GABRG3: variants seen among roughly 807,000 people sequenced by gnomAD.
The protein encoded by GABRG3 is gamma-aminobutyric acid receptor subunit gamma-3.
GABRG3 carries 25 observed loss-of-function variants against 48.8 expected under a neutral mutation model. The observed-to-expected ratio is 0.51, with a 90% CI of 0.37 to 0.72. The LOEUF (loss-of-function observed/expected upper bound fraction) is 0.72, where lower values mean the gene tolerates loss of function less well. Among genes scored for constraint, GABRG3 ranks in the 30% least tolerant of loss-of-function variants. GABRG3 has a pLI of 0.00. For synonymous variants in GABRG3, 227 were observed against 217.6 expected, an observed-to-expected ratio of 1.04 and a Z score of -0.38; for missense variants, 394 against 577.9, an observed-to-expected ratio of 0.68 and a Z score of 3.26.
At chr15:27,160,438 A>G (rs28599769) in intron 3 of GABRG3, among the ~76,000 whole-genome samples, 7,175 of 152,248 alleles carry the variant, frequency 0.047, 261 homozygotes, top group African/African-American at 0.095. Flanking sequence ...CTATATGTAA[A>G]GTCATTTGAT....
intron 3 of GABRG3, among the ~76,000 whole-genome samples, chr15:27,034,030 G>T (rs1896133764): frequency 6.6e-6 from 1 of 152,178 alleles, no homozygotes; most frequent in Non-Finnish European, 1.5e-5. Flanking sequence ...ATCAGAATCT[G>T]CATTTTAACA....
intron 3 of GABRG3, among the ~76,000 whole-genome samples, chr15:27,199,226 T>C (rs566348315): frequency 2.6e-5 from 4 of 152,182 alleles, no homozygotes; most frequent in Non-Finnish European, 5.9e-5. Flanking sequence ...TTGTTTTTTA[T>C]TGTGTTGTTA....
At chr15:27,078,611 A>G (rs1488726448) in intron 3 of GABRG3, among the ~76,000 whole-genome samples, 1 of 152,226 alleles carries the variant, frequency 6.6e-6, no homozygotes, top group Non-Finnish European at 1.5e-5. Flanking sequence ...ATCTCTGTAG[A>G]TGTAACACCA....
At chr15:27,431,019 A>G (rs908313229) in intron 5 of GABRG3, among the ~76,000 whole-genome samples, 2 of 151,032 alleles carry the variant, frequency 1.3e-5, no homozygotes, top group African/African-American at 4.9e-5. Flanking sequence ...AAATAAATAA[A>G]TAAATAAATA....
At chr15:27,053,447 G>A (rs1371409233) in intron 3 of GABRG3, among the ~76,000 whole-genome samples, 14 of 152,106 alleles carry the variant, frequency 9.2e-5, no homozygotes, top group African/African-American at 2.4e-4. Context: ...ACCATCTCAC[G>A]CCAGTCAGAA....
chr15:27,320,668 G>A (rs932495130), intron 3 of GABRG3, among the ~76,000 whole-genome samples: 5 of 152,086 alleles, frequency 3.3e-5, no homozygotes, highest in Middle Eastern at 3.2e-3. Context: ...ATGGAAGGTC[G>A]TGATCAAAGA....
intron 3 of GABRG3, among the ~76,000 whole-genome samples, chr15:27,165,888 G>A (rs1410141083): frequency 6.6e-6 from 1 of 152,104 alleles, no homozygotes; most frequent in Non-Finnish European, 1.5e-5. Context: ...AGTATTGGAG[G>A]AGTGGCTGTT....
chr15:26,977,065 T>C lies in GABRG3; in HGVS notation c.117T>C (p.Ala39=). Residue 39 remains alanine, a synonymous_variant, in exon 2 of 10, where the codon GCT becomes GCC. Coordinates refer to ENST00000615808, the MANE Select transcript of GABRG3 (RefSeq NM_033223.5). Reference sequence around the variant, plus strand: ...CATCAAACCAAAAGTGGGTCTTGGCTCCAAAATCCCAAGACACCGACGTGA... The same window carrying C: ...CATCAAACCAAAAGTGGGTCTTGGCCCCAAAATCCCAAGACACCGACGTGA... ...DSSSNQKWVL[A]PKSQDTDVTL... is the part of the protein sequence containing the mutation. 1.2e-6 allele frequency: 2 copies of C among 1,613,856 alleles called. No individual in the cohort carries two copies. Among genetic ancestry groups the C allele is most frequent in the Non-Finnish European group, 1.7e-6 (2 of 1,179,782 alleles).
intron 6 of GABRG3, among the ~76,000 whole-genome samples, chr15:27,502,149 A>G (rs1195088119): frequency 1.3e-5 from 2 of 152,254 alleles, no homozygotes; most frequent in Non-Finnish European, 2.9e-5. Flanking sequence ...ATCAAATTTA[A>G]CATGAAGTCT....
chr15:27,024,190 T>C (rs1895945687), intron 2 of GABRG3, among the ~76,000 whole-genome samples: 1 of 152,218 alleles, frequency 6.6e-6, no homozygotes, highest in South Asian at 2.1e-4. Context: ...TGGGAGTTCT[T>C]TATGTATTCT....
intron 3 of GABRG3, among the ~76,000 whole-genome samples, chr15:27,131,326 G>A (rs1053274327): frequency 7.9e-5 from 12 of 151,872 alleles, no homozygotes; most frequent in Non-Finnish European, 1.3e-4. Context: ...TGTTAATTTG[G>A]TTTATTGCAC....
intron 3 of GABRG3, among the ~76,000 whole-genome samples, chr15:27,166,490 G>A (rs986131965): frequency 6.6e-6 from 1 of 152,072 alleles, no homozygotes; most frequent in Admixed American, 6.5e-5. Context: ...CTCTTCAGGG[G>A]AGCCTCTAGG....
intron 6 of GABRG3, 115 bp downstream of exon 6, chr15:27,480,902 T>A: frequency 6.9e-7 from 1 of 1,448,920 alleles, no homozygotes; most frequent in South Asian, 1.5e-5. Flanking sequence ...TAAGTGATAT[T>A]TGAGACAAAA....
At chr15:27,373,768 G>C (rs142241096) in intron 5 of GABRG3, among the ~76,000 whole-genome samples, 2,701 of 152,200 alleles carry the variant, frequency 0.018, 74 homozygotes, top group African/African-American at 0.061. Flanking sequence ...GATGATTTAT[G>C]ATTAAAACAT....
chr15:27,497,661 T>C (rs1890519583), intron 6 of GABRG3, among the ~76,000 whole-genome samples: 1 of 152,234 alleles, frequency 6.6e-6, no homozygotes, highest in African/African-American at 2.4e-5. Flanking sequence ...TTGGTGTTCC[T>C]ATTTCTTTGA....
chr15:27,383,704 A>G (rs1223236282), intron 5 of GABRG3, among the ~76,000 whole-genome samples: 2 of 152,210 alleles, frequency 1.3e-5, no homozygotes, highest in Admixed American at 6.5e-5. Flanking sequence ...TTTGCCTTGT[A>G]AAAGCTCACT....
At chr15:27,129,131 G>T (rs937241774) in intron 3 of GABRG3, among the ~76,000 whole-genome samples, 1 of 152,062 alleles carries the variant, frequency 6.6e-6, no homozygotes, top group Non-Finnish European at 1.5e-5. Context: ...TCAGATTGTT[G>T]TGCTATTATC....
chr15:27,240,303 G>T (rs984628289), intron 3 of GABRG3, among the ~76,000 whole-genome samples: 2 of 152,188 alleles, frequency 1.3e-5, no homozygotes, highest in South Asian at 4.1e-4. Context: ...ACACGTGAGC[G>T]CTCAGAACCC....
At chr15:27,284,486 C>G (rs1485865627) in intron 3 of GABRG3, among the ~76,000 whole-genome samples, 1 of 152,152 alleles carries the variant, frequency 6.6e-6, no homozygotes, top group Non-Finnish European at 1.5e-5. Context: ...CTGTGTGTAA[C>G]CTACATTTCT....
Sources: gnomAD v4.1 joint callset for allele counts (sites outside exome capture counted in the v4.1 genomes callset) on GRCh38, gnomAD v4.1.1 for gene constraint, MANE v1.5 for transcripts, NCBI Gene and HGNC (gene_info 2026-07-23, HGNC 2026-07-21) for gene names.